Variants in ARHGEF7 observed in about 807,000 individuals in gnomAD.
ARHGEF7 encodes PAK-interacting exchange factor beta.
ARHGEF7 carries 33 observed loss-of-function variants against 109.8 expected under a neutral mutation model. The observed-to-expected ratio is 0.30, with a 90% CI of 0.23 to 0.40. ARHGEF7 has a LOEUF of 0.40. Among genes scored for constraint, ARHGEF7 ranks in the 10% least tolerant of loss-of-function variants. The probability of loss-of-function intolerance (pLI) is 1.00; values close to 1 mark genes in which losing one functional copy is unlikely to be tolerated. For synonymous variants in ARHGEF7, 458 were observed against 424.6 expected, an observed-to-expected ratio of 1.08 and a Z score of -0.97; for missense variants, 938 against 1,098.5, an observed-to-expected ratio of 0.85 and a Z score of 2.07.
chr13:111,258,519 G>T lies in ARHGEF7; in HGVS notation c.951-9029G>T, dbSNP rs2090711201. On this transcript the variant is annotated intron_variant, in intron 8 of 21. Transcript: ENST00000646102. This position sits in a 1 kb window ranked among gnomAD's most constrained non-coding sequence, Gnocchi z 4.4. The stretch of plus-strand genomic sequence containing the variant: ...CCACTGCTTGGAAGGGAAGCACCCA[G>T]TTCCTGTCAGGATCCATCATCTGCT... Among the ~76,000 whole-genome samples the T allele has an allele frequency of 6.6e-6, 1 of 152,234 alleles. No homozygotes were observed. Among genetic ancestry groups the T allele is most frequent in the South Asian group, 2.1e-4 (1 of 4,836 alleles).
chr13:111,153,089 T>C (rs1471715901), intron 1 of ARHGEF7, among the ~76,000 whole-genome samples: 7 of 152,260 alleles, frequency 4.6e-5, no homozygotes, highest in Non-Finnish European at 8.8e-5. Flanking sequence ...TGGGAAAACA[T>C]TGCACCTTAA....
At chr13:111,133,604 T>C (rs1021486992) in intron 1 of ARHGEF7, among the ~76,000 whole-genome samples, 3 of 151,000 alleles carry the variant, frequency 2.0e-5, no homozygotes, top group Middle Eastern at 3.4e-3. Context: ...AGTAAGATGG[T>C]TCTTCCATCT....
chr13:111,210,126 C>T (rs182341884), intron 4 of ARHGEF7, 124 bp downstream of exon 4: 22 of 1,288,784 alleles, frequency 1.7e-5, no homozygotes, highest in East Asian at 7.2e-5. Flanking sequence ...AGCTGGACTT[C>T]GCCTCCGTTG....
intron 19 of ARHGEF7, chr13:111,294,504 C>T: frequency 1.0e-6 from 1 of 985,414 alleles, no homozygotes. Flanking sequence ...CCATTTTGTA[C>T]CAGTTAAAGG....
At chr13:111,169,223 C>T (rs564595367) in intron 2 of ARHGEF7, among the ~76,000 whole-genome samples, 4 of 152,218 alleles carry the variant, frequency 2.6e-5, no homozygotes, top group South Asian at 2.1e-4. Flanking sequence ...TTGCAGAGGT[C>T]GTTAATGCCA....
chr13:111,136,683 G>A (rs113022809), intron 1 of ARHGEF7, among the ~76,000 whole-genome samples: 2 of 152,034 alleles, frequency 1.3e-5, no homozygotes, highest in African/African-American at 4.8e-5. Flanking sequence ...CAATTAAAAG[G>A]ACTAGAGAAG....
intron 2 of ARHGEF7, among the ~76,000 whole-genome samples, chr13:111,161,995 C>G (rs2076781894): frequency 6.6e-6 from 1 of 152,172 alleles, no homozygotes; most frequent in Non-Finnish European, 1.5e-5. Flanking sequence ...CATTTCTGTA[C>G]CACACCCTTA....
intron 2 of ARHGEF7, among the ~76,000 whole-genome samples, chr13:111,172,462 G>A (rs530680530): frequency 4.6e-5 from 7 of 152,234 alleles, no homozygotes; most frequent in South Asian, 2.1e-4. Context: ...TGGTGGTGCC[G>A]CTCTCTAAGG....
intron 1 of ARHGEF7, 133 bp downstream of exon 1, chr13:111,115,824 CG>C (rs2066702967): frequency 6.4e-6 from 2 of 313,546 alleles, no homozygotes. Flanking sequence ...AGCGGCGGCG[CG>C]GCCGGCGCCA....
intron 2 of ARHGEF7, among the ~76,000 whole-genome samples, chr13:111,175,724 G>T (rs1331868403): frequency 6.6e-6 from 1 of 152,234 alleles, no homozygotes; most frequent in African/African-American, 2.4e-5. Flanking sequence ...TAAGGAGACT[G>T]AGGCACAGGG....
At chr13:111,170,885 C>G (rs1487772182) in intron 2 of ARHGEF7, among the ~76,000 whole-genome samples, 1 of 152,178 alleles carries the variant, frequency 6.6e-6, no homozygotes, top group Non-Finnish European at 1.5e-5. Flanking sequence ...GATAATCAGT[C>G]TCAGTCTTTT....
chr13:111,225,651 C>T (rs936352046), intron 5 of ARHGEF7, among the ~76,000 whole-genome samples: 8 of 152,038 alleles, frequency 5.3e-5, no homozygotes, highest in Non-Finnish European at 8.8e-5. Context: ...TTATTGTATC[C>T]GTTATGGTGA....
At chr13:111,292,088 C>G (rs183747147) in intron 18 of ARHGEF7, 30 bp from the exon 19 acceptor site, 1 of 1,599,424 alleles carries the variant, frequency 6.3e-7, no homozygotes, top group Non-Finnish European at 8.5e-7. Context: ...CCCTGCCTGT[C>G]GCGCCTGTCC....
chr13:111,280,757 C>G, intron 15 of ARHGEF7, 80 bp downstream of exon 15: 1 of 1,350,708 alleles, frequency 7.4e-7, no homozygotes, highest in Non-Finnish European at 9.8e-7. Flanking sequence ...TGATCAGTTG[C>G]TTTAAAACCT....
Position 111,225,206 on chromosome 13 carries a change from G to T in ARHGEF7, c.670+7326G>T, listed in dbSNP as rs537421345. Among the ~76,000 whole-genome samples the T allele has an allele frequency of 2.3e-3, 353 of 152,302 alleles. 1 individual carries two copies. The highest frequency in any genetic ancestry group is 8.2e-3 in the African/African-American group (340 of 41,554). On this transcript the variant is annotated intron_variant, in intron 5 of 21. Coordinates refer to ENST00000646102, the MANE Select transcript of ARHGEF7 (RefSeq NM_001354046.2). ...ACCAGCTGACTTAGAGTAATTAGGGGTCAGGTTGTTAGTCTTCCAGTATTA... is the reference window on the plus strand; with the variant it reads ...ACCAGCTGACTTAGAGTAATTAGGGTTCAGGTTGTTAGTCTTCCAGTATTA...
intron 2 of ARHGEF7, among the ~76,000 whole-genome samples, chr13:111,158,487 A>G (rs116259246): frequency 3.2e-3 from 487 of 152,346 alleles, no homozygotes; most frequent in African/African-American, 0.011. Flanking sequence ...TGGCACTGCA[A>G]CTAATACTAA....
chr13:111,292,568 T>A, intron 19 of ARHGEF7: 1 of 1,345,894 alleles, frequency 7.4e-7, no homozygotes, highest in Admixed American at 3.6e-5. Context: ...AGGGTGCTCT[T>A]CGTAAGGGGT....
chr13:111,276,784 A>G (rs2092510706), intron 12 of ARHGEF7, among the ~76,000 whole-genome samples: 1 of 152,220 alleles, frequency 6.6e-6, no homozygotes, highest in Admixed American at 6.5e-5. Flanking sequence ...GCATAAGCCT[A>G]ATGTTCTGAG....
intron 4 of ARHGEF7, among the ~76,000 whole-genome samples, chr13:111,212,082 A>G (rs897719342): frequency 3.9e-5 from 6 of 152,090 alleles, no homozygotes; most frequent in African/African-American, 7.2e-5. Context: ...CCACCACTGC[A>G]GTTGCTGGTT....
Sources: allele counts gnomAD v4.1 joint callset (sites outside exome capture counted in the v4.1 genomes callset), GRCh38; gene constraint gnomAD v4.1.1; non-coding constraint Gnocchi (gnomAD v3.1); transcripts MANE v1.5; gene names NCBI Gene and HGNC (gene_info 2026-07-23, HGNC 2026-07-21).